Variants in TMEM108 observed in about 807,000 individuals in gnomAD.
The protein encoded by TMEM108 is cancer/testis antigen 124.
A neutral mutation model predicts 35.1 loss-of-function variants in TMEM108; 12 were observed. The ratio of observed to expected loss-of-function variants is 0.34; its 90% confidence interval spans 0.22 to 0.55. The LOEUF (loss-of-function observed/expected upper bound fraction) is 0.55, where lower values mean the gene tolerates loss of function less well. Among genes scored for constraint, TMEM108 ranks in the 20% least tolerant of loss-of-function variants. The pLI is 0.89. For synonymous variants in TMEM108, 287 were observed against 308.6 expected, an observed-to-expected ratio of 0.93 and a Z score of 0.73; for missense variants, 680 against 753.3, an observed-to-expected ratio of 0.90 and a Z score of 1.14.
chr3:133,374,112 AGCTTT>A (rs1289857881), intron 3 of TMEM108, among the ~76,000 whole-genome samples: 1 of 152,162 alleles, frequency 6.6e-6, no homozygotes, highest in Non-Finnish European at 1.5e-5. Context: ...AAGCTGCATG[AGCTTT>A]TTGGCTGTAG....
intron 2 of TMEM108, among the ~76,000 whole-genome samples, chr3:133,158,976 C>A (rs893791101): frequency 1.3e-5 from 2 of 152,204 alleles, no homozygotes; most frequent in Non-Finnish European, 2.9e-5. Context: ...CCCACTCTTT[C>A]CCATTCAGGG....
At chr3:133,330,693 G>A (rs1033942448) in intron 3 of TMEM108, among the ~76,000 whole-genome samples, 1 of 152,064 alleles carries the variant, frequency 6.6e-6, no homozygotes, top group Non-Finnish European at 1.5e-5. Context: ...TCTAGACAAT[G>A]GAGCCAGCTT....
chr3:133,108,636 T>G (rs1320402460), intron 2 of TMEM108, among the ~76,000 whole-genome samples: 3 of 152,144 alleles, frequency 2.0e-5, no homozygotes, highest in Non-Finnish European at 4.4e-5. Context: ...AGATCCCATT[T>G]ATCAATTTTG....
chr3:133,394,716 A>G (rs1023142740), intron 5 of TMEM108, among the ~76,000 whole-genome samples: 1 of 152,252 alleles, frequency 6.6e-6, no homozygotes, highest in Non-Finnish European at 1.5e-5. Flanking sequence ...ATCCACCCTT[A>G]GATAGGTGTT....
chr3:133,089,094 C>G (rs971756724), intron 2 of TMEM108, among the ~76,000 whole-genome samples: 9 of 152,110 alleles, frequency 5.9e-5, no homozygotes, highest in African/African-American at 2.2e-4. Context: ...ACAACCAGAT[C>G]TCACAAAAAC....
At chr3:133,069,400 A>G (rs1943649701) in intron 2 of TMEM108, among the ~76,000 whole-genome samples, 1 of 152,154 alleles carries the variant, frequency 6.6e-6, no homozygotes, top group Non-Finnish European at 1.5e-5. Context: ...AGCTAATAAA[A>G]TAAGGGCACT....
chr3:133,181,058 GATTT>G (rs1382848026), intron 2 of TMEM108, among the ~76,000 whole-genome samples: 1 of 126,084 alleles, frequency 7.9e-6, no homozygotes, highest in Non-Finnish European at 1.6e-5. Flanking sequence ...CAAAGCGCTT[GATTT>G]ATTTTTATTT....
At chr3:133,366,531 T>C (rs2072505016) in intron 3 of TMEM108, among the ~76,000 whole-genome samples, 1 of 152,216 alleles carries the variant, frequency 6.6e-6, no homozygotes, top group Non-Finnish European at 1.5e-5. Flanking sequence ...CTCCACCCAA[T>C]GTGCTTCTGA....
chr3:133,370,871 AGTGTGTGTGTGTGT>A lies in TMEM108; in HGVS notation c.41-8843_41-8830del, dbSNP rs71624013. Among the ~76,000 whole-genome samples the A allele has an allele frequency of 4.2e-3, 523 of 125,548 alleles. 5 individuals carry two copies. The highest frequency in any genetic ancestry group is 0.012 in the African/African-American group (396 of 33,246). 82.4% of individuals were successfully genotyped at this position (125,548 alleles called of 152,430 possible). A position where few individuals can be genotyped will look rare whatever the true frequency, so the allele number is the denominator to read the frequency against. On this transcript the variant is annotated intron_variant, in intron 3 of 5. Transcript: ENST00000321871. ...TATTCCGTCTGTTTCCCCAGCCCAT[AGTGTGTGTGTGTGT>A]GTGTGTGTGTGTGTGTGTGTGTGTG...
chr3:133,125,417 C>CA (rs1226638684), intron 2 of TMEM108, among the ~76,000 whole-genome samples: 8 of 152,142 alleles, frequency 5.3e-5, no homozygotes, highest in African/African-American at 1.9e-4. Flanking sequence ...AAATAAGTGG[C>CA]TTTTAGCAAA....
chr3:133,209,522 A>G (rs1469254236), intron 2 of TMEM108, among the ~76,000 whole-genome samples: 2 of 152,084 alleles, frequency 1.3e-5, no homozygotes, highest in Non-Finnish European at 2.9e-5. Context: ...TCTCAGCCCC[A>G]GCCCCTCCTA....
At chr3:133,252,257 G>A (rs1309030059) in intron 3 of TMEM108, among the ~76,000 whole-genome samples, 6 of 152,108 alleles carry the variant, frequency 3.9e-5, no homozygotes, top group African/African-American at 9.7e-5. Context: ...AAAATTCTGG[G>A]TATGTGAGAT....
intron 3 of TMEM108, among the ~76,000 whole-genome samples, chr3:133,273,085 T>C (rs369000588): frequency 1.3e-5 from 2 of 152,312 alleles, no homozygotes; most frequent in African/African-American, 4.8e-5. Flanking sequence ...CAAACCCCTC[T>C]GAGAATCAAA....
At chr3:133,310,327 G>A (rs1357948671) in intron 3 of TMEM108, among the ~76,000 whole-genome samples, 1 of 152,032 alleles carries the variant, frequency 6.6e-6, no homozygotes, top group African/African-American at 2.4e-5. Flanking sequence ...TTATTATTGT[G>A]TGGGAGTCTA....
intron 3 of TMEM108, among the ~76,000 whole-genome samples, chr3:133,293,923 A>G (rs1316402171): frequency 6.6e-6 from 1 of 152,210 alleles, no homozygotes; most frequent in African/African-American, 2.4e-5. Context: ...CTGGCAACAT[A>G]GAAATCAGCT....
rs73860816 is a variant in TMEM108, at chr3:133,053,392, A to G, written c.-47+7372A>G. On this transcript the variant is annotated intron_variant, in intron 2 of 5. Coordinates refer to ENST00000321871, the MANE Select transcript of TMEM108 (RefSeq NM_023943.4). ...TTACTTTTTTTCTCTGTGATTGCAC[A>G]TATTGGCAAAGTAGCCCCTAAATTT... Among the ~76,000 whole-genome samples the G allele has an allele frequency of 8.2e-3, 1,250 of 152,350 alleles. 13 individuals are homozygous for G. The highest frequency in any genetic ancestry group is 0.028 in the African/African-American group (1,163 of 41,578).
At chr3:133,081,548 C>G (rs904458243) in intron 2 of TMEM108, among the ~76,000 whole-genome samples, 12 of 152,182 alleles carry the variant, frequency 7.9e-5, no homozygotes, top group African/African-American at 2.9e-4. Flanking sequence ...TTCCTTCAAT[C>G]CATTCTTGCT....
rs115094518 is a variant in TMEM108, at chr3:133,271,923, A to C, written c.40+42572A>C. Among the ~76,000 whole-genome samples, 421 of 152,278 alleles carry C rather than the reference A, an allele frequency of 2.8e-3. 5 individuals are homozygous for C. The highest frequency in any genetic ancestry group is 9.6e-3 in the African/African-American group (401 of 41,560). On this transcript the variant is annotated intron_variant, in intron 3 of 5. Transcript: ENST00000321871. The stretch of plus-strand genomic sequence containing the variant: ...TTTTACATGATCTCTGTGTTCAAAG[A>C]CCTCATGTACTTGATACAGAGGTAA...
intron 3 of TMEM108, among the ~76,000 whole-genome samples, chr3:133,354,264 ACAC>A (rs1238742094): frequency 2.0e-5 from 3 of 152,222 alleles, no homozygotes; most frequent in Non-Finnish European, 4.4e-5. Flanking sequence ...AGCACGATAT[ACAC>A]CACATCAGGG....
Sources: gnomAD v4.1 joint callset for allele counts (sites outside exome capture counted in the v4.1 genomes callset) on GRCh38, gnomAD v4.1.1 for gene constraint, MANE v1.5 for transcripts, NCBI Gene and HGNC (gene_info 2026-07-23, HGNC 2026-07-21) for gene names.